Variants in SOX5 observed in about 807,000 individuals in gnomAD.
SOX5 encodes the protein transcription factor SOX-5.
SOX5 carries 9 observed loss-of-function variants against 92.0 expected under a neutral mutation model. That is an observed-to-expected ratio of 0.10 (90% CI 0.06 to 0.17). The LOEUF (loss-of-function observed/expected upper bound fraction) is 0.17. SOX5 is among the 10% of genes least tolerant of loss of function. The pLI is 1.00. For synonymous variants in SOX5, 344 were observed against 336.3 expected (o/e 1.02, Z -0.25); for missense variants, 642 against 944.5 (o/e 0.68, Z 4.20).
chr12:24,032,738 C>T (rs183395613), intron 4 of SOX5, among the ~76,000 whole-genome samples: 85 of 151,768 alleles, frequency 5.6e-4, no homozygotes, highest in African/African-American at 2.0e-3. Context: ...AGTTACTATC[C>T]GAAAGAAATT....
chr12:23,985,157 C>T (rs1949942437), intron 4 of SOX5, among the ~76,000 whole-genome samples: 1 of 151,948 alleles, frequency 6.6e-6, no homozygotes, highest in African/African-American at 2.4e-5. Context: ...GAAAATGCTG[C>T]CTAACATTAT....
At chr12:24,040,979 C>CT (rs1174426929) in intron 4 of SOX5, among the ~76,000 whole-genome samples, 1 of 152,062 alleles carries the variant, frequency 6.6e-6, no homozygotes, top group Non-Finnish European at 1.5e-5. Context: ...TACTTCGTGA[C>CT]TGGGGGGAAA....
At chr12:23,958,750 T>G (rs1946562373) in intron 4 of SOX5, among the ~76,000 whole-genome samples, 2 of 150,760 alleles carry the variant, frequency 1.3e-5, no homozygotes, top group Admixed American at 6.6e-5. Flanking sequence ...GATATCAAAC[T>G]GAGATGACCA....
intron 8 of SOX5, among the ~76,000 whole-genome samples, chr12:23,635,538 G>A (rs930394368): frequency 6.6e-6 from 1 of 152,016 alleles, no homozygotes; most frequent in Non-Finnish European, 1.5e-5. Context: ...TGGGAGGAGG[G>A]GGGAGGGAGA....
At chr12:24,450,071 A>G (rs542003597) in intron 1 of SOX5, among the ~76,000 whole-genome samples, 12 of 152,322 alleles carry the variant, frequency 7.9e-5, no homozygotes, top group Admixed American at 3.9e-4. Flanking sequence ...ACTAATCTCA[A>G]TGAGGAAGCT....
intron 4 of SOX5, among the ~76,000 whole-genome samples, chr12:24,144,532 A>C (rs1006421503): frequency 6.6e-6 from 1 of 152,220 alleles, no homozygotes; most frequent in African/African-American, 2.4e-5. Flanking sequence ...AAAGCCAAGT[A>C]CAGCAGCTCA....
chr12:23,631,939 T>C (rs1248071534), intron 8 of SOX5, among the ~76,000 whole-genome samples: 2 of 152,120 alleles, frequency 1.3e-5, no homozygotes, highest in African/African-American at 2.4e-5. Flanking sequence ...AAGCAGTTCC[T>C]AATAGGTTCT....
At chr12:23,963,623 C>T (rs1405822777) in intron 4 of SOX5, among the ~76,000 whole-genome samples, 1 of 151,950 alleles carries the variant, frequency 6.6e-6, no homozygotes, top group Non-Finnish European at 1.5e-5. Context: ...CCGACTAAAT[C>T]CTGAGTCTAG....
intron 5 of SOX5, among the ~76,000 whole-genome samples, chr12:23,736,999 T>G (rs1404440843): frequency 5.2e-5 from 6 of 115,922 alleles, no homozygotes; most frequent in Admixed American, 3.0e-4. Flanking sequence ...GACCTACGAT[T>G]TTTTTTTTTT....
intron 3 of SOX5, among the ~76,000 whole-genome samples, chr12:23,778,096 T>A (rs2095164210): frequency 6.6e-6 from 1 of 152,210 alleles, no homozygotes; most frequent in Non-Finnish European, 1.5e-5. Flanking sequence ...TCATGGAAAC[T>A]TCCTGAGGTA....
At chr12:23,938,372 T>C (rs1943007423) in intron 1 of SOX5, among the ~76,000 whole-genome samples, 1 of 151,098 alleles carries the variant, frequency 6.6e-6, no homozygotes, top group African/African-American at 2.4e-5. Context: ...GCTTTTACTA[T>C]GAAAATCTAT....
At chr12:23,793,658 T>G (rs1594496252) in intron 3 of SOX5, among the ~76,000 whole-genome samples, 2 of 152,306 alleles carry the variant, frequency 1.3e-5, no homozygotes, top group African/African-American at 4.8e-5. Flanking sequence ...GGGGAAGCTC[T>G]AAGAAGCCAG....
rs12823697 is a variant in SOX5, at chr12:24,510,762, G to A, written c.-251+51567C>T. 3.3e-5 allele frequency among the ~76,000 whole-genome samples: 5 copies of A among 152,204 alleles called. No individual in the cohort carries two copies. The South Asian group carries it at 8.3e-4, about 25-fold the overall frequency. Reference sequence around the variant, plus strand: ...GATAGGAGATCTGAAGAGAGGGAACGCATGCCAGATACCAGCATGATTTTG... The same window carrying A: ...GATAGGAGATCTGAAGAGAGGGAACACATGCCAGATACCAGCATGATTTTG... On this transcript the variant is annotated intron_variant, in intron 1 of 4. Transcript: ENST00000446891.
chr12:23,641,192 A>T (rs1365527053), intron 7 of SOX5, among the ~76,000 whole-genome samples: 1 of 151,716 alleles, frequency 6.6e-6, no homozygotes, highest in Non-Finnish European at 1.5e-5. Flanking sequence ...GATAACACAC[A>T]CGCGCGTGCA....
At chr12:23,573,184 G>C (rs968621907) in intron 10 of SOX5, among the ~76,000 whole-genome samples, 2 of 152,042 alleles carry the variant, frequency 1.3e-5, no homozygotes, top group Non-Finnish European at 2.9e-5. Flanking sequence ...CCCCCTTGAA[G>C]AGTAATATAC....
intron 4 of SOX5, among the ~76,000 whole-genome samples, chr12:24,192,478 T>C (rs1956622589): frequency 6.6e-6 from 1 of 152,248 alleles, no homozygotes; most frequent in Admixed American, 6.5e-5. Flanking sequence ...GTTCTTGTAA[T>C]ATGGTTGGCA....
At chr12:24,333,091 AAG>A (rs1380207966) in intron 2 of SOX5, among the ~76,000 whole-genome samples, 1 of 152,070 alleles carries the variant, frequency 6.6e-6, no homozygotes, top group Non-Finnish European at 1.5e-5. Context: ...ACTATAAAAA[AAG>A]AGTTATGATA....
At chr12:24,462,999 C>T (rs1431999339) in intron 1 of SOX5, among the ~76,000 whole-genome samples, 2 of 152,150 alleles carry the variant, frequency 1.3e-5, no homozygotes, top group Non-Finnish European at 2.9e-5. Context: ...AGAAGGACTG[C>T]TTGAACCCAG....
At chr12:23,629,363 C>A (rs1311710299) in intron 8 of SOX5, among the ~76,000 whole-genome samples, 6 of 151,964 alleles carry the variant, frequency 3.9e-5, no homozygotes, top group African/African-American at 1.4e-4. Flanking sequence ...TTAAGAATAT[C>A]ATGGCAAAAT....
Sources: allele counts gnomAD v4.1 joint callset (sites outside exome capture counted in the v4.1 genomes callset), GRCh38; gene constraint gnomAD v4.1.1; transcripts MANE v1.5; gene names NCBI Gene and HGNC (gene_info 2026-07-23, HGNC 2026-07-21).